IDH3A: variants seen among roughly 807,000 people sequenced by gnomAD.
The protein encoded by IDH3A is isocitrate dehydrogenase (NAD(+)) 3 catalytic subunit alpha, also known as isocitrate dehydrogenase [NAD] subunit alpha, mitochondrial.
In IDH3A, 23 loss-of-function variants were observed where a neutral mutation model predicts 43.3. That is an observed-to-expected ratio of 0.53 (90% CI 0.38 to 0.75). The LOEUF (loss-of-function observed/expected upper bound fraction) is 0.75, where lower values mean the gene tolerates loss of function less well. IDH3A is among the 30% of genes least tolerant of loss of function. The pLI is 0.00. For synonymous variants in IDH3A, 154 were observed against 163.5 expected (o/e 0.94, Z 0.44); for missense variants, 329 against 474.4 (o/e 0.69, Z 2.85).
At chr15:78,158,328 C>T (rs926357370) in intron 3 of IDH3A, among the ~76,000 whole-genome samples, 11 of 151,208 alleles carry the variant, frequency 7.3e-5, no homozygotes, top group Non-Finnish European at 2.9e-5. Flanking sequence ...TGTCTGAGCT[C>T]GTGTCCTAGG....
chr15:78,160,242 T>C, intron 4 of IDH3A, 36 bp downstream of exon 4: 1 of 1,241,402 alleles, frequency 8.1e-7, no homozygotes, highest in Non-Finnish European at 1.2e-6. Flanking sequence ...TTTTACAGAT[T>C]TCCGCTACAG....
Position 78,171,482 on chromosome 15 carries a change from C to G in IDH3A, c.*2477C>G, listed in dbSNP as rs1292466827. On this transcript the variant is annotated 3_prime_UTR_variant, in exon 11 of 11. Transcript: ENST00000299518. ...TCTTGGTAAAAGGAGTCAATGATAC[C>G]TTTGTACTTCTCCAAAACTGTGAGC... 2 of 1,614,032 alleles carry G rather than the reference C, an allele frequency of 1.2e-6. No homozygotes were observed. Among genetic ancestry groups the G allele is most frequent in the African/African-American group, 1.3e-5 (1 of 74,916 alleles).
intron 1 of IDH3A, among the ~76,000 whole-genome samples, chr15:78,152,665 T>C (rs1254739752): frequency 6.6e-6 from 1 of 152,116 alleles, no homozygotes; most frequent in Non-Finnish European, 1.5e-5. Flanking sequence ...CGGCCTCATG[T>C]CACTTTTATG....
intron 6 of IDH3A, among the ~76,000 whole-genome samples, chr15:78,162,745 C>T (rs918862540): frequency 2.0e-5 from 3 of 152,074 alleles, no homozygotes; most frequent in Admixed American, 6.6e-5. Flanking sequence ...GGGGTTTCAC[C>T]ATGTTGGCCA....
intron 5 of IDH3A, 118 bp from the exon 6 acceptor site, chr15:78,162,116 C>A: frequency 2.0e-6 from 2 of 1,002,552 alleles, no homozygotes; most frequent in Non-Finnish European, 3.0e-6. Flanking sequence ...TGTGATTAGT[C>A]ATGCTAGCTG....
rs537186662 is a variant in IDH3A, at chr15:78,170,432, T to A, written c.*1427T>A. 1 of 152,270 alleles carries A rather than the reference T, an allele frequency of 6.6e-6. No individual in the cohort carries two copies. Among genetic ancestry groups the A allele is most frequent in the Non-Finnish European group, 1.5e-5 (1 of 68,020 alleles). 9.4% of individuals were successfully genotyped at this position (152,270 alleles called of 1,614,324 possible). The stretch of plus-strand genomic sequence containing the variant: ...GCTTGTAACCGCCCCCCCAGACTTA[T>A]AATCTTAAATGTATTTTCCTTTGTT... On this transcript the variant is annotated 3_prime_UTR_variant, in exon 11 of 11. Coordinates refer to ENST00000299518, the MANE Select transcript of IDH3A (RefSeq NM_005530.3).
intron 6 of IDH3A, 54 bp from the exon 7 acceptor site, chr15:78,163,453 T>C: frequency 7.9e-7 from 1 of 1,272,622 alleles, no homozygotes. Flanking sequence ...TTGATTTGAT[T>C]CTTTTCTTTC....
rs2074826020 is a variant in IDH3A at position 78,171,779 on chromosome 15, A to T, written c.*2774A>T. 1 of 366,692 alleles carries T rather than the reference A, an allele frequency of 2.7e-6. No homozygotes were observed. Among genetic ancestry groups the T allele is most frequent in the Non-Finnish European group, 5.0e-6 (1 of 199,638 alleles). The allele number at this position is 366,692 out of a possible 1,614,324, so 22.7% of individuals were successfully genotyped here. ...GAAGGGTTGGTATGTCACCTCTGAG[A>T]ATAGGTTATAAAAGATCAGTTTCTT... On this transcript the variant is annotated 3_prime_UTR_variant, in exon 11 of 11. Transcript: ENST00000299518.
Position 78,162,318 on chromosome 15 carries a change from C to CG in IDH3A, c.564dup (p.Asn189GlufsTer35). On this transcript the variant is annotated frameshift_variant, in exon 6 of 11. Coordinates refer to ENST00000299518, the MANE Select transcript of IDH3A (RefSeq NM_005530.3). LOFTEE classifies it high-confidence loss of function. The stretch of plus-strand genomic sequence containing the variant: ...TGCTGAGTTTGCCTTTGAGTATGCC[C>CG]GGAACAACCACCGGAGCAACGTCAC... 1 of 1,614,072 alleles carries CG rather than the reference C, an allele frequency of 6.2e-7. No homozygotes were observed. Among genetic ancestry groups the CG allele is most frequent in the Non-Finnish European group, 8.5e-7 (1 of 1,180,028 alleles).
rs577307029 is a variant in IDH3A, at chr15:78,162,318, C to G, written c.562C>G (p.Arg188Gly). ...TGCTGAGTTTGCCTTTGAGTATGCC[C>G]GGAACAACCACCGGAGCAACGTCAC... ...RIAEFAFEYARNNHRSNVTAV... is the reference protein window; with the variant it reads ...RIAEFAFEYAGNNHRSNVTAV... Residue 188 changes from arginine (R) to glycine (G), a missense_variant, in exon 6 of 11, where the codon CGG (arginine) becomes GGG (glycine). By Grantham distance (125) the Arg-to-Gly change is moderately radical (BLOSUM62 -2). Transcript: ENST00000299518. 6.2e-7 allele frequency: 1 copy of G among 1,614,072 alleles called. No homozygotes were observed.
Position 78,169,750 on chromosome 15 carries a change from T to C in IDH3A, c.*745T>C, listed in dbSNP as rs1317681439. 6.6e-6 allele frequency: 1 copy of C among 152,252 alleles called. No homozygotes were observed. The highest frequency in any genetic ancestry group is 2.4e-5 in the African/African-American group (1 of 41,466). The allele number at this position is 152,252 out of a possible 1,614,324, so 9.4% of individuals were successfully genotyped here. Reference sequence around the variant, plus strand: ...AAGAGCTTTTAATGAAGCAGAGAGCTAGTACTTCATTTTCACTGGATACAT... The same window carrying C: ...AAGAGCTTTTAATGAAGCAGAGAGCCAGTACTTCATTTTCACTGGATACAT... On this transcript the variant is annotated 3_prime_UTR_variant, in exon 11 of 11. Transcript: ENST00000299518.
intron 8 of IDH3A, among the ~76,000 whole-genome samples, chr15:78,164,678 GT>G (rs560745050): frequency 2.0e-5 from 3 of 152,294 alleles, no homozygotes; most frequent in Admixed American, 1.3e-4. Context: ...GTTTTATTCA[GT>G]GATATATCCA....
At chr15:78,166,535 G>T (rs1287097765) in intron 10 of IDH3A, 1 of 526,026 alleles carries the variant, frequency 1.9e-6, no homozygotes, top group East Asian at 3.5e-5. Context: ...CAGCACTGAT[G>T]TATAGACATC....
chr15:78,170,573 C>G lies in IDH3A; in HGVS notation c.*1568C>G, dbSNP rs1170970993. 6.6e-6 allele frequency: 1 copy of G among 152,266 alleles called. No individual in the cohort carries two copies. The highest frequency in any genetic ancestry group is 1.5e-5 in the Non-Finnish European group (1 of 68,046). 9.4% of individuals were successfully genotyped at this position (152,266 alleles called of 1,614,324 possible). A position where few individuals can be genotyped will look rare whatever the true frequency, so the allele number is the denominator to read the frequency against. ...TTGCTTTCTCTACCTGTTTCCTGTT[C>G]AGATGCCTTCGGTCATTTTGGCTCA... On this transcript the variant is annotated 3_prime_UTR_variant, in exon 11 of 11. Coordinates refer to ENST00000299518, the MANE Select transcript of IDH3A (RefSeq NM_005530.3).
intron 2 of IDH3A, chr15:78,156,918 C>A (rs1313628948): frequency 7.4e-7 from 1 of 1,351,746 alleles, no homozygotes; most frequent in South Asian, 1.1e-5. Flanking sequence ...ATCAACTTTG[C>A]CAAGCTTATG....
chr15:78,152,411 A>G (rs1285339027), intron 1 of IDH3A, among the ~76,000 whole-genome samples: 1 of 125,602 alleles, frequency 8.0e-6, no homozygotes, highest in Non-Finnish European at 1.6e-5. Context: ...CCCAGGCTAG[A>G]GTGCAATGGC....
rs1346114007 is a variant in IDH3A, at chr15:78,169,209, G to A, written c.*204G>A. ...TTCAAAGAACTTTTTCCAAGTGCTTGTTTTATTTATTAAGTGTCTACCTGG... is the reference window on the plus strand; with the variant it reads ...TTCAAAGAACTTTTTCCAAGTGCTTATTTTATTTATTAAGTGTCTACCTGG... On this transcript the variant is annotated 3_prime_UTR_variant, in exon 11 of 11. Transcript: ENST00000299518. 5.2e-6 allele frequency: 2 copies of A among 381,062 alleles called. No homozygotes were observed. The highest frequency in any genetic ancestry group is 3.8e-5 in the East Asian group (1 of 26,122). The allele number at this position is 381,062 out of a possible 1,614,324, so 23.6% of individuals were successfully genotyped here.
At chr15:78,168,709 CAG>C (rs1236790414) in intron 10 of IDH3A, 1 of 381,758 alleles carries the variant, frequency 2.6e-6, no homozygotes, top group East Asian at 3.8e-5. Context: ...TTATTCTTTG[CAG>C]AGTGCTGTTG....
chr15:78,166,083 G>A, intron 9 of IDH3A, 67 bp from the exon 10 acceptor site: 2 of 1,467,474 alleles, frequency 1.4e-6, no homozygotes, highest in Non-Finnish European at 1.9e-6. Flanking sequence ...TAAGACTCCA[G>A]CTTCCCCAGA....
Sources: allele counts gnomAD v4.1 joint callset (sites outside exome capture counted in the v4.1 genomes callset), GRCh38; gene constraint gnomAD v4.1.1; transcripts MANE v1.5; gene names NCBI Gene and HGNC (gene_info 2026-07-23, HGNC 2026-07-21).